The following PIDD1 variants were observed in gnomAD, a reference collection of about 807,000 sequenced individuals.
The protein encoded by PIDD1 is p53-induced death domain-containing protein 1.
In PIDD1, 72 loss-of-function variants were observed where a neutral mutation model predicts 80.0. That is an observed-to-expected ratio of 0.90 (90% confidence interval 0.74 to 1.09). PIDD1 has a LOEUF of 1.09. Ranked by LOEUF, PIDD1 falls within the 50% of genes least tolerant of loss-of-function variation. PIDD1 has a pLI of 0.00. For synonymous variants in PIDD1, 655 were observed against 543.5 expected (o/e 1.21, Z -2.85); for missense variants, 1,329 against 1,228.3 (o/e 1.08, Z -1.23).
At position 799,890 on chromosome 11, in the gene PIDD1, C is replaced by T. The variant is rs774270265; in HGVS notation, c.2399G>A (p.Gly800Asp). 1.2e-6 allele frequency: 2 copies of T among 1,611,912 alleles called. No homozygotes were observed. Among genetic ancestry groups the T allele is most frequent in the Admixed American group, 3.3e-5 (2 of 59,940 alleles). The change falls in exon 15 of 16, where the codon GGT becomes GAT. Residue 800 changes from glycine to aspartate, a missense_variant. Transcript: ENST00000347755. ...CAGGGCCACGGCTGGCCAGTCCAGA[C>T]CCAGACGCCCAGCCACACTCAGCAG... The part of the protein sequence containing the change: ...SNLLSVAGRL[G>D]LDWPAVALHL...
chr11:804,261 T>A lies in PIDD1; in HGVS notation c.128A>T (p.Tyr43Phe). The A allele has an allele frequency of 6.2e-7, 1 of 1,612,634 alleles. No individual in the cohort carries two copies. The highest frequency in any genetic ancestry group is 8.5e-7 in the Non-Finnish European group (1 of 1,179,868). The change falls in exon 2 of 16, where the codon TAC (tyrosine) becomes TTC (phenylalanine). Residue 43 changes from tyrosine (Y) to phenylalanine (F), a missense_variant. Coordinates refer to ENST00000347755, the MANE Select transcript of PIDD1 (RefSeq NM_145886.4). Reference protein sequence around the residue: ...LGGNRLSLDLYPGGCQQLLHL... With the variant: ...LGGNRLSLDLFPGGCQQLLHL... ...CAGCAGCTGCTGGCAGCCCCCGGGG[T>A]ACAGGTCCAAGCTCAGCCGGTTGCC...
chr11:800,152 G>A lies in PIDD1; in HGVS notation c.2253C>T (p.Ala751=). 2 of 1,610,484 alleles carry A rather than the reference G, an allele frequency of 1.2e-6. No homozygotes were observed. Among genetic ancestry groups the A allele is most frequent in the South Asian group, 1.1e-5 (1 of 90,880 alleles). The change falls in exon 14 of 16, where the codon GCC becomes GCT. Residue 751 remains alanine (A), a synonymous_variant. Transcript: ENST00000347755. ...QRKGADALWM[A]TLPIKLPRLR... ...CCACCGGCAGCTTGATGGGCAGAGT[G>A]GCCATCCACAGGGCGTCTGCGCCCT... is the stretch of plus-strand genomic sequence containing the variant.
rs2133765378 is a variant in PIDD1, at chr11:800,666, C to T, written c.1918G>A (p.Val640Met). The change falls in exon 12 of 16, where the codon GTG becomes ATG. Residue 640 changes from valine (V) to methionine (M), a missense_variant and splice_region_variant. By Grantham distance (21) the Val-to-Met change is conservative. Coordinates refer to ENST00000347755, the MANE Select transcript of PIDD1 (RefSeq NM_145886.4). ...AGCAGCCGCCGAAGGGTGGCGTCCA[C>T]CTGCGGGGAAGCCCGTGCAGCTCAG... ...VLLQCLPRNK[V>M]DATLRRLLER... 1 of 1,580,858 alleles carries T rather than the reference C, an allele frequency of 6.3e-7. No individual in the cohort carries two copies. The highest frequency in any genetic ancestry group is 2.3e-5 in the East Asian group (1 of 43,406).
upstream of PIDD1, among the ~76,000 whole-genome samples, chr11:808,822 G>A (rs1325414965): frequency 3.3e-5 from 5 of 152,244 alleles, no homozygotes; most frequent in Non-Finnish European, 2.9e-5. Context: ...TGGGGGTAAT[G>A]ATAACGAGGC....
rs377540452 is a variant in PIDD1 at position 800,086 on chromosome 11, T to C, written c.2274+45A>G. ...TCCACCATGTCACCCTGGTCACCCC[T>C]GGGCCTCGGTCCTGCCCCGCCCCTC... On this transcript the variant is annotated intron_variant, in intron 14 of 15. Coordinates refer to ENST00000347755, the MANE Select transcript of PIDD1 (RefSeq NM_145886.4). 55 of 1,603,186 alleles carry C rather than the reference T, an allele frequency of 3.4e-5. No individual in the cohort carries two copies. The African/African-American group carries it at 5.6e-4, about 16-fold the overall frequency.
In PIDD1 at chr11:804,173, G is replaced by T. The variant is rs143547240; in HGVS notation, c.216C>A (p.His72Gln). ...TGGCCTCCAGCAGCTGAGGGTCCTC[G>T]TGAGTGCTCAGACGCAAGAATTCCA... ...LQVEFLRLST[H>Q]EDPQLLEATL... Residue 72 changes from histidine to glutamine, a missense_variant, in exon 2 of 16, where the codon CAC becomes CAA. By Grantham distance (24) the His-to-Gln change is conservative (BLOSUM62 0). Transcript: ENST00000347755. 6.2e-7 allele frequency: 1 copy of T among 1,613,298 alleles called. No individual in the cohort carries two copies. The highest frequency in any genetic ancestry group is 1.3e-5 in the African/African-American group (1 of 74,934).
At position 801,129 on chromosome 11, in the gene PIDD1, G is replaced by A; in HGVS notation, c.1631-9C>T. The A allele has an allele frequency of 6.4e-7, 1 of 1,550,730 alleles. No individual in the cohort carries two copies. Among genetic ancestry groups the A allele is most frequent in the Non-Finnish European group, 8.7e-7 (1 of 1,144,834 alleles). ...GCGGTCCAGACTGAGGCCTGGGGAT[G>A]GGAGGGGCAGCGAGCTGAGGCCTCC... On this transcript the variant is annotated splice_polypyrimidine_tract_variant and intron_variant, in intron 9 of 15. Coordinates refer to ENST00000347755, the MANE Select transcript of PIDD1 (RefSeq NM_145886.4).
intron 2 of PIDD1, chr11:803,888 G>C (rs758613201): frequency 1.5e-6 from 1 of 662,236 alleles, no homozygotes; most frequent in African/African-American, 1.8e-5. Context: ...CAGGAGCCAG[G>C]GCCCAGCCAG....
Position 801,429 on chromosome 11 carries a change from G to T in PIDD1, c.1482+16C>A. 1 of 1,560,204 alleles carries T rather than the reference G, an allele frequency of 6.4e-7. No individual in the cohort carries two copies. Among genetic ancestry groups the T allele is most frequent in the Non-Finnish European group, 8.7e-7 (1 of 1,151,846 alleles). ...TGAGGCGCGGCCTGCCACCCTCAGT[G>T]CTGTCCTGGCCATACCTGCATGGAG... On this transcript the variant is annotated intron_variant, in intron 8 of 15. Coordinates refer to ENST00000347755, the MANE Select transcript of PIDD1 (RefSeq NM_145886.4).
chr11:802,752 T>C lies in PIDD1; in HGVS notation c.849A>G (p.Leu283=). 1 of 1,611,004 alleles carries C rather than the reference T, an allele frequency of 6.2e-7. No homozygotes were observed. Among genetic ancestry groups the C allele is most frequent in the Non-Finnish European group, 8.5e-7 (1 of 1,179,180 alleles). The change falls in exon 4 of 16, where the codon CTA becomes CTG. Residue 283 remains leucine (L), a synonymous_variant. Transcript: ENST00000347755. ...CCTGCAGGCGCACAAAGGGGGCGTC[T>C]AGCAGCTCAGGGGGCAGGTCCCGGA... is the stretch of plus-strand genomic sequence containing the variant. ...NQLRDLPPEL[L]DAPFVRLQGN...
chr11:808,804 C>T (rs1211759735), upstream of PIDD1, among the ~76,000 whole-genome samples: 1 of 152,244 alleles, frequency 6.6e-6, no homozygotes, highest in Non-Finnish European at 1.5e-5. Flanking sequence ...ACTGCCTCAT[C>T]TATAAAATGG....
chr11:799,532 G>A lies in PIDD1; in HGVS notation c.2508C>T (p.Leu836=), dbSNP rs765161149. 1 of 1,604,072 alleles carries A rather than the reference G, an allele frequency of 6.2e-7. No homozygotes were observed. The highest frequency in any genetic ancestry group is 8.5e-7 in the Non-Finnish European group (1 of 1,179,558). Residue 836 remains leucine, a synonymous_variant, in exon 16 of 16, where the codon CTC becomes CTT. Transcript: ENST00000347755. ...CAGCCTGGCGCTCAGCCCAGGAGAA[G>A]AGCATGTGACGGATCTGCTCATCCA... is the stretch of plus-strand genomic sequence containing the variant. ...DDLDEQIRHM[L]FSWAERQAGQ... is the part of the protein sequence containing the mutation.
intron 9 of PIDD1, 22 bp downstream of exon 9, chr11:801,196 A>G: frequency 6.5e-7 from 1 of 1,546,598 alleles, no homozygotes. Context: ...AGGTCCAGGT[A>G]TGCCCCATGG....
At chr11:803,000 G>C in intron 3 of PIDD1, 109 bp from the exon 4 acceptor site, 2 of 1,089,550 alleles carry the variant, frequency 1.8e-6, no homozygotes, top group Non-Finnish European at 2.6e-6. Context: ...CCACAGCTGG[G>C]CTCAGAGAAC....
intron 3 of PIDD1, 122 bp from the exon 4 acceptor site, chr11:803,013 T>C (rs934382388): frequency 8.6e-6 from 9 of 1,042,306 alleles, no homozygotes; most frequent in Non-Finnish European, 1.3e-5. Context: ...CAGAGAACTC[T>C]GACAAAGCCA....
rs781370141 is a variant in PIDD1 at position 803,279 on chromosome 11, A to T, written c.604T>A (p.Ser202Thr). ...ALSTLQRLDL[S>T]QNLLDTLPPE... The stretch of plus-strand genomic sequence containing the variant: ...GGTAGCGTGTCCAGCAGATTCTGAG[A>T]GAGATCGAGGCGCTGCAGGGTGGAT... Residue 202 changes from serine (S) to threonine (T), a missense_variant, in exon 3 of 16, where the codon TCT (serine) becomes ACT (threonine). Coordinates refer to ENST00000347755, the MANE Select transcript of PIDD1 (RefSeq NM_145886.4). The T allele has an allele frequency of 3.1e-6, 5 of 1,613,760 alleles. No homozygotes were observed. The highest frequency in any genetic ancestry group is 3.4e-6 in the Non-Finnish European group (4 of 1,179,952).
chr11:809,240 C>G (rs1416872368), upstream of PIDD1, among the ~76,000 whole-genome samples: 1 of 152,234 alleles, frequency 6.6e-6, no homozygotes, highest in African/African-American at 2.4e-5. Context: ...AGCGCAGGGG[C>G]TGACCACTCA....
intron 13 of PIDD1, 30 bp downstream of exon 13, chr11:800,302 GC>G (rs1565052048): frequency 1.2e-6 from 2 of 1,612,616 alleles, no homozygotes; most frequent in Admixed American, 3.3e-5. Flanking sequence ...GGCCTGGGGG[GC>G]CTCTCCCCTC....
At position 800,116 on chromosome 11, in the gene PIDD1, G is replaced by A; in HGVS notation, c.2274+15C>T. The A allele has an allele frequency of 1.2e-6, 2 of 1,608,240 alleles. No individual in the cohort carries two copies. Among genetic ancestry groups the A allele is most frequent in the African/African-American group, 1.3e-5 (1 of 75,002 alleles). On this transcript the variant is annotated intron_variant, in intron 14 of 15. Transcript: ENST00000347755. ...CTCGGTCCTGCCCCGCCCCTCTGCT[G>A]TCCCTCAGTCCCACCGGCAGCTTGA... is the stretch of plus-strand genomic sequence containing the variant.
Sources: allele counts gnomAD v4.1 joint callset (sites outside exome capture counted in the v4.1 genomes callset), GRCh38; gene constraint gnomAD v4.1.1; transcripts MANE v1.5; gene names NCBI Gene and HGNC (gene_info 2026-07-23, HGNC 2026-07-21).